The following TRAPPC8 variants were observed in gnomAD, a reference collection of about 807,000 sequenced individuals.
The protein encoded by TRAPPC8 is general sporulation gene 1 homolog.
TRAPPC8 carries 54 observed loss-of-function variants against 174.3 expected under a neutral mutation model. The ratio of observed to expected loss-of-function variants is 0.31; its 90% CI spans 0.25 to 0.39. The LOEUF is 0.39. Ranked by LOEUF, TRAPPC8 falls within the 10% of genes least tolerant of loss-of-function variation. The pLI is 1.00. For synonymous variants in TRAPPC8, 630 were observed against 579.9 expected (o/e 1.09, Z -1.24); for missense variants, 1,531 against 1,699.1 (o/e 0.90, Z 1.74).
chr18:31,885,245 C>T (rs1232191171), intron 12 of TRAPPC8, among the ~76,000 whole-genome samples: 5 of 152,164 alleles, frequency 3.3e-5, no homozygotes, highest in Non-Finnish European at 5.9e-5. Context: ...AATGAGAACA[C>T]AGGATGTCTT....
intron 13 of TRAPPC8, 31 bp downstream of exon 13, chr18:31,874,449 T>G (rs758092194): frequency 1.5e-5 from 23 of 1,572,208 alleles, no homozygotes; most frequent in Non-Finnish European, 2.0e-5. Context: ...ACAGTTTTAA[T>G]ATCTATTCCT....
chr18:31,842,743 A>G (rs1023070330), intron 26 of TRAPPC8, among the ~76,000 whole-genome samples: 1 of 152,240 alleles, frequency 6.6e-6, no homozygotes, highest in African/African-American at 2.4e-5. Context: ...TGACACTCAC[A>G]GGAAATGCTC....
At chr18:31,940,812 A>G (rs932761510) in intron 1 of TRAPPC8, among the ~76,000 whole-genome samples, 24 of 152,154 alleles carry the variant, frequency 1.6e-4, no homozygotes, top group African/African-American at 5.8e-4. Context: ...TTTTTTAATT[A>G]TACCTGTGAC....
chr18:31,932,479 T>A (rs2037890910), intron 1 of TRAPPC8, among the ~76,000 whole-genome samples: 1 of 151,962 alleles, frequency 6.6e-6, no homozygotes, highest in South Asian at 2.1e-4. Context: ...AGATCCCTTT[T>A]ACCACCCTAA....
At position 31,917,523 on chromosome 18, in the gene TRAPPC8, G is replaced by A. The variant is rs1377604412; in HGVS notation, c.442+55C>T. ...TTTTGCCTTCATTAACTATTTCTGA[G>A]ATTAATAACTTCCATAATATTTGAT... On this transcript the variant is annotated intron_variant, in intron 3 of 28. Coordinates refer to ENST00000283351, the MANE Select transcript of TRAPPC8 (RefSeq NM_014939.5). 6.0e-6 allele frequency: 9 copies of A among 1,502,614 alleles called. No homozygotes were observed. In the Admixed American group the frequency reaches 1.6e-4, roughly 27 times the overall value. The allele number at this position is 1,502,614 out of a possible 1,614,324, so 93.1% of individuals were successfully genotyped here.
intron 2 of TRAPPC8, among the ~76,000 whole-genome samples, chr18:31,923,072 G>A (rs62093871): frequency 1.8e-3 from 274 of 152,242 alleles, no homozygotes; most frequent in Non-Finnish European, 2.6e-3. Flanking sequence ...GTAAGGAAGG[G>A]TAATATGGTC....
intron 17 of TRAPPC8, 151 bp from the exon 18 acceptor site, chr18:31,867,126 A>G (rs2034625142): frequency 2.3e-6 from 2 of 879,634 alleles, no homozygotes; most frequent in Non-Finnish European, 3.4e-6. Flanking sequence ...TCAAAAGAAA[A>G]TGTCTAAATT....
At chr18:31,871,144 C>T (rs773142283) in intron 14 of TRAPPC8, 24 bp from the exon 15 acceptor site, 16 of 1,434,570 alleles carry the variant, frequency 1.1e-5, no homozygotes, top group South Asian at 8.7e-5. Flanking sequence ...GTTAACAACA[C>T]GTTTATGAAG....
chr18:31,916,056 C>CA (rs34732342), intron 4 of TRAPPC8, among the ~76,000 whole-genome samples: 3,342 of 87,656 alleles, frequency 0.038, 55 homozygotes, highest in Non-Finnish European at 0.042. Flanking sequence ...GACCTCGTCT[C>CA]AAAAAAAAAA....
At chr18:31,892,149 G>T in intron 11 of TRAPPC8, among the ~76,000 whole-genome samples, 1 of 152,186 alleles carries the variant, frequency 6.6e-6, no homozygotes, top group East Asian at 1.9e-4. Flanking sequence ...TTTTTAAAAA[G>T]AATACATGTT....
chr18:31,882,453 G>A (rs2035502035), intron 12 of TRAPPC8, among the ~76,000 whole-genome samples: 1 of 151,936 alleles, frequency 6.6e-6, no homozygotes, highest in South Asian at 2.1e-4. Flanking sequence ...CACACCAAAA[G>A]GGGAGAAAGA....
chr18:31,879,021 A>G (rs1476891724), intron 12 of TRAPPC8, among the ~76,000 whole-genome samples: 1 of 152,242 alleles, frequency 6.6e-6, no homozygotes, highest in African/African-American at 2.4e-5. Context: ...GCCATACAGT[A>G]ATACTGGGGG....
At chr18:31,939,741 G>A (rs1358586255) in intron 1 of TRAPPC8, 1 of 152,328 alleles carries the variant, frequency 6.6e-6, no homozygotes, top group Non-Finnish European at 1.5e-5. Flanking sequence ...TGTAGTCCCA[G>A]CTACTTGGGA....
At chr18:31,904,252 G>GA (rs1372987903) in intron 9 of TRAPPC8, among the ~76,000 whole-genome samples, 1 of 147,798 alleles carries the variant, frequency 6.8e-6, no homozygotes, top group Non-Finnish European at 1.5e-5. Flanking sequence ...AAAAAAAAAA[G>GA]AAAAAAGAAC....
intron 14 of TRAPPC8, among the ~76,000 whole-genome samples, chr18:31,872,332 C>T (rs553898304): frequency 8.5e-5 from 13 of 152,192 alleles, no homozygotes; most frequent in Admixed American, 2.0e-4. Context: ...AAAAGTCTTA[C>T]AAGAACAGCA....
At chr18:31,908,219 T>C (rs944029154) in intron 8 of TRAPPC8, 84 bp downstream of exon 8, 10 of 680,848 alleles carry the variant, frequency 1.5e-5, no homozygotes, top group African/African-American at 1.3e-4. Context: ...ATTAAAGAGA[T>C]AGTTATCTTC....
intron 1 of TRAPPC8, among the ~76,000 whole-genome samples, chr18:31,936,688 G>A (rs897663340): frequency 1.3e-5 from 2 of 150,488 alleles, no homozygotes; most frequent in Non-Finnish European, 3.0e-5. Flanking sequence ...GATCACTTGA[G>A]GTCGGGAGTT....
At chr18:31,882,012 AAGTT>A (rs2035479941) in intron 12 of TRAPPC8, among the ~76,000 whole-genome samples, 1 of 152,184 alleles carries the variant, frequency 6.6e-6, no homozygotes, top group Non-Finnish European at 1.5e-5. Flanking sequence ...GTGGGAATGT[AAGTT>A]AGTTCAGCCA....
chr18:31,838,253 ACTT>A (rs1343923474), intron 27 of TRAPPC8, among the ~76,000 whole-genome samples: 1 of 152,110 alleles, frequency 6.6e-6, no homozygotes, highest in Non-Finnish European at 1.5e-5. Context: ...CTAAAATTTC[ACTT>A]TTTTCAAATT....
Sources: gnomAD v4.1 joint callset for allele counts (sites outside exome capture counted in the v4.1 genomes callset) on GRCh38, gnomAD v4.1.1 for gene constraint, MANE v1.5 for transcripts, NCBI Gene and HGNC (gene_info 2026-07-23, HGNC 2026-07-21) for gene names.